ADAM29: variants seen among roughly 807,000 people sequenced by gnomAD.
ADAM29 encodes the protein disintegrin and metalloproteinase domain-containing protein 29.
For synonymous variants in ADAM29, 367 were observed against 342.3 expected (o/e 1.07, Z -0.80); for missense variants, 969 against 1,001.8 (o/e 0.97, Z 0.44).
At chr4:174,959,100 CTT>C (rs1745666719) in intron 4 of ADAM29, among the ~76,000 whole-genome samples, 1 of 151,818 alleles carries the variant, frequency 6.6e-6, no homozygotes, top group Non-Finnish European at 1.5e-5. Context: ...AAGATTCTGA[CTT>C]ATATCATTTT....
chr4:174,972,369 A>G (rs1746525790), intron 4 of ADAM29, among the ~76,000 whole-genome samples: 1 of 152,180 alleles, frequency 6.6e-6, no homozygotes, highest in Non-Finnish European at 1.5e-5. Context: ...AGTCCTTCTA[A>G]TAACTCTCTC....
At chr4:174,965,517 A>ATCTATCTG (rs1553977768) in intron 4 of ADAM29, among the ~76,000 whole-genome samples, 1 of 149,800 alleles carries the variant, frequency 6.7e-6, no homozygotes, top group Non-Finnish European at 1.5e-5. Context: ...CTATCTATCT[A>ATCTATCTG]TCTATCATCT....
intron 4 of ADAM29, among the ~76,000 whole-genome samples, chr4:174,948,006 T>A (rs778571233): frequency 2.0e-5 from 3 of 152,230 alleles, no homozygotes; most frequent in Non-Finnish European, 4.4e-5. Flanking sequence ...AAGTGAGTGT[T>A]CCAGGTGTAT....
chr4:174,930,756 C>T (rs1287461057), intron 2 of ADAM29, among the ~76,000 whole-genome samples: 1 of 152,124 alleles, frequency 6.6e-6, no homozygotes, highest in Non-Finnish European at 1.5e-5. Flanking sequence ...CCCACTAACA[C>T]TGACAATTTT....
At chr4:174,956,201 T>C (rs1027743861) in intron 4 of ADAM29, among the ~76,000 whole-genome samples, 2 of 152,036 alleles carry the variant, frequency 1.3e-5, no homozygotes, top group Non-Finnish European at 2.9e-5. Context: ...TTCCTTAAAA[T>C]GTGTTCCGTC....
chr4:174,955,964 A>G (rs1481650508), intron 4 of ADAM29, among the ~76,000 whole-genome samples: 2 of 152,074 alleles, frequency 1.3e-5, no homozygotes, highest in African/African-American at 4.8e-5. Flanking sequence ...CATTTTGATT[A>G]TGATACCCTC....
chr4:174,975,575 C>T lies in ADAM29; in HGVS notation c.50C>T (p.Ser17Phe). 2 of 1,576,462 alleles carry T rather than the reference C, an allele frequency of 1.3e-6. No homozygotes were observed. The highest frequency in any genetic ancestry group is 1.7e-6 in the Non-Finnish European group (2 of 1,163,544). Residue 17 changes from serine to phenylalanine, a missense_variant, in exon 5 of 5, where the codon TCT becomes TTT. Physicochemically the swap from Ser to Phe is radical, Grantham distance 155. Coordinates refer to ENST00000359240, the MANE Select transcript of ADAM29 (RefSeq NM_014269.4). ...TGCCTTGGGGTGTTTCTGTCCTGTT[C>T]TGGACACATCCAGGATGAGCACCCC... ...LHCLGVFLSC[S>F]GHIQDEHPQY...
intron 2 of ADAM29, among the ~76,000 whole-genome samples, chr4:174,922,085 C>T (rs1419720269): frequency 2.6e-5 from 4 of 152,048 alleles, no homozygotes; most frequent in Admixed American, 2.6e-4. Flanking sequence ...ATATAAGTAT[C>T]AAAATTCCTT....
chr4:174,928,746 C>A (rs1341697875), intron 2 of ADAM29, among the ~76,000 whole-genome samples: 1 of 151,874 alleles, frequency 6.6e-6, no homozygotes, highest in Non-Finnish European at 1.5e-5. Flanking sequence ...ATGATTCGGC[C>A]ATCTGTGTTT....
chr4:174,949,021 T>C lies in ADAM29; in HGVS notation c.-181+12008T>C, dbSNP rs191976897. Among the ~76,000 whole-genome samples, 45 of 152,082 alleles carry C rather than the reference T, an allele frequency of 3.0e-4. 2 individuals are homozygous for C. The highest frequency in any genetic ancestry group is 1.1e-3 in the African/African-American group (45 of 41,474). On this transcript the variant is annotated intron_variant, in intron 4 of 4. Coordinates refer to ENST00000359240, the MANE Select transcript of ADAM29 (RefSeq NM_014269.4). ...GGGAAACTGGGTGGGCTGGTGTGCA[T>C]TGGTAAGGATTAGTCTGCTGGAGCT...
At chr4:174,939,253 A>G (rs1744384213) in intron 4 of ADAM29, among the ~76,000 whole-genome samples, 1 of 152,150 alleles carries the variant, frequency 6.6e-6, no homozygotes, top group Non-Finnish European at 1.5e-5. Context: ...ACTCATAAAG[A>G]TATACTTTCT....
At chr4:174,944,753 C>T (rs1236646409) in intron 4 of ADAM29, among the ~76,000 whole-genome samples, 1 of 152,146 alleles carries the variant, frequency 6.6e-6, no homozygotes, top group African/African-American at 2.4e-5. Flanking sequence ...CGATGTTTAG[C>T]TCCCACTTAT....
chr4:174,975,287 C>T, intron 4 of ADAM29, 59 bp from the exon 5 acceptor site: 1 of 377,790 alleles, frequency 2.6e-6, no homozygotes, highest in Non-Finnish European at 4.7e-6. Flanking sequence ...CCACTGGATT[C>T]TCTTATAAGA....
chr4:174,946,921 A>C (rs749038403), intron 4 of ADAM29, among the ~76,000 whole-genome samples: 4 of 151,614 alleles, frequency 2.6e-5, no homozygotes, highest in Admixed American at 6.6e-5. Context: ...CAATTTTGGA[A>C]CTCATTATTG....
intron 3 of ADAM29, among the ~76,000 whole-genome samples, chr4:174,936,150 G>T (rs1744184896): frequency 6.6e-6 from 1 of 151,996 alleles, no homozygotes; most frequent in African/African-American, 2.4e-5. Context: ...CTCTTTCATT[G>T]TATTCCTCTG....
chr4:174,936,767 A>AT (rs1268872603), intron 3 of ADAM29, among the ~76,000 whole-genome samples, 166 bp from the exon 4 acceptor site: 2 of 151,896 alleles, frequency 1.3e-5, no homozygotes, highest in African/African-American at 4.8e-5. Context: ...ATCCTTATAT[A>AT]TTTTTTTCAA....
chr4:174,926,833 G>T (rs76255489), intron 2 of ADAM29, among the ~76,000 whole-genome samples: 500 of 150,986 alleles, frequency 3.3e-3, no homozygotes, highest in African/African-American at 0.011. Context: ...TATCTATATG[G>T]CTACCACCTT....
chr4:174,928,570 A>AAAAAAAAAG (rs1394651496), intron 2 of ADAM29, among the ~76,000 whole-genome samples: 1 of 3,082 alleles, frequency 3.2e-4, no homozygotes, highest in African/African-American at 1.5e-3. Flanking sequence ...TCATGTGCTT[A>AAAAAAAAAG]AAAAAAAAAA....
At position 174,922,071 on chromosome 4, in the gene ADAM29, G is replaced by A. The variant is rs536871675; in HGVS notation, c.-451+1279G>A. Among the ~76,000 whole-genome samples the A allele has an allele frequency of 3.3e-5, 5 of 152,210 alleles. No homozygotes were observed. The South Asian group carries it at 6.2e-4, about 19-fold the overall frequency. ...CCTTTGGGATCTTGGTTTGATGGAA[G>A]TGAATATAAGTATCAAAATTCCTTA... On this transcript the variant is annotated intron_variant, in intron 2 of 4. Transcript: ENST00000359240.
Sources: gnomAD v4.1 joint callset for allele counts (sites outside exome capture counted in the v4.1 genomes callset) on GRCh38, gnomAD v4.1.1 for gene constraint, MANE v1.5 for transcripts, NCBI Gene and HGNC (gene_info 2026-07-23, HGNC 2026-07-21) for gene names.